MEGF11: variants seen among roughly 807,000 people sequenced by gnomAD.
The protein encoded by MEGF11 is multiple epidermal growth factor-like domains protein 11.
In MEGF11, 126 loss-of-function variants were observed where a neutral mutation model predicts 146.6. The observed-to-expected ratio is 0.86, with a 90% CI of 0.74 to 1.00. The LOEUF (loss-of-function observed/expected upper bound fraction) is 1.00, where lower values mean the gene tolerates loss of function less well. MEGF11 is among the 50% of genes least tolerant of loss of function. The pLI is 0.00. For synonymous variants in MEGF11, 532 were observed against 583.4 expected, an observed-to-expected ratio of 0.91 and a Z score of 1.27; for missense variants, 1,509 against 1,521.2, an observed-to-expected ratio of 0.99 and a Z score of 0.13.
intron 10 of MEGF11, among the ~76,000 whole-genome samples, chr15:65,935,954 A>G (rs1039751481): frequency 1.4e-4 from 22 of 152,276 alleles, no homozygotes; most frequent in African/African-American, 5.3e-4. Flanking sequence ...AGCCTATCTC[A>G]GATTAGACTA....
At chr15:65,970,822 CT>C (rs2081278825) in intron 7 of MEGF11, 133 bp from the exon 8 acceptor site, 1 of 958,244 alleles carries the variant, frequency 1.0e-6, no homozygotes, top group Non-Finnish European at 1.5e-6. Flanking sequence ...GACACCAGGG[CT>C]CCAAAGCCCT....
At chr15:65,969,027 CT>C (rs1455695555) in intron 8 of MEGF11, among the ~76,000 whole-genome samples, 1 of 152,210 alleles carries the variant, frequency 6.6e-6, no homozygotes, top group Non-Finnish European at 1.5e-5. Flanking sequence ...CTATTGAACC[CT>C]CCTGTGGTTG....
intron 20 of MEGF11, among the ~76,000 whole-genome samples, chr15:65,912,858 A>G (rs560583189): frequency 9.9e-4 from 151 of 152,294 alleles, no homozygotes; most frequent in African/African-American, 3.5e-3. Context: ...CTTAGCAGGA[A>G]TGGGCTGAAG....
chr15:65,903,765 C>CG (rs1200701891), intron 24 of MEGF11, among the ~76,000 whole-genome samples: 6 of 152,264 alleles, frequency 3.9e-5, no homozygotes, highest in South Asian at 4.2e-4. Flanking sequence ...GTGTTTATTT[C>CG]GGGGGGCGTT....
chr15:65,918,140 C>T, intron 15 of MEGF11, 46 bp from the exon 16 acceptor site: 1 of 1,608,972 alleles, frequency 6.2e-7, no homozygotes. Flanking sequence ...ACCTGTGTTC[C>T]TCTGACCTCC....
At chr15:65,983,514 T>C (rs2081737008) in intron 5 of MEGF11, among the ~76,000 whole-genome samples, 1 of 152,144 alleles carries the variant, frequency 6.6e-6, no homozygotes, top group Non-Finnish European at 1.5e-5. Context: ...GCACACATAA[T>C]GTTCTGGGAG....
intron 1 of MEGF11, among the ~76,000 whole-genome samples, chr15:66,151,385 A>G (rs2089567725): frequency 6.6e-6 from 1 of 152,102 alleles, no homozygotes; most frequent in Non-Finnish European, 1.5e-5. Context: ...AGTGCACCCA[A>G]GGGAAGGTGG....
chr15:65,910,962 T>A (rs749808810), intron 21 of MEGF11, among the ~76,000 whole-genome samples: 16 of 152,146 alleles, frequency 1.1e-4, no homozygotes, highest in Non-Finnish European at 2.2e-4. Flanking sequence ...AGACCTGTCC[T>A]TGGGGGCTGT....
intron 5 of MEGF11, among the ~76,000 whole-genome samples, chr15:66,071,349 G>A (rs1011842576): frequency 6.6e-6 from 1 of 152,188 alleles, no homozygotes; most frequent in African/African-American, 2.4e-5. Context: ...AGCCTCTGAG[G>A]TCATCAGCCA....
chr15:66,175,884 A>G (rs973655343), intron 1 of MEGF11, among the ~76,000 whole-genome samples: 3 of 152,228 alleles, frequency 2.0e-5, no homozygotes, highest in Non-Finnish European at 4.4e-5. Context: ...GACACAATCT[A>G]TAAAATTGAA....
At chr15:66,166,641 G>C in intron 1 of MEGF11, among the ~76,000 whole-genome samples, 1 of 151,866 alleles carries the variant, frequency 6.6e-6, no homozygotes, top group South Asian at 2.1e-4. Flanking sequence ...TGGTCCTCCT[G>C]TCTGTTCCTC....
At chr15:66,122,860 G>C (rs2088108164) in intron 3 of MEGF11, among the ~76,000 whole-genome samples, 1 of 152,064 alleles carries the variant, frequency 6.6e-6, no homozygotes, top group Non-Finnish European at 1.5e-5. Flanking sequence ...CTCACTGCAA[G>C]CTCCACCTGA....
Position 65,970,625 on chromosome 15 carries a change from G to T in MEGF11, c.827C>A (p.Pro276His). 1 of 1,613,766 alleles carries T rather than the reference G, an allele frequency of 6.2e-7. No homozygotes were observed. Among genetic ancestry groups the T allele is most frequent in the Non-Finnish European group, 8.5e-7 (1 of 1,179,790 alleles). The part of the protein sequence containing the change: ...TFGQNCSQDC[P>H]CHHGGQCDHV... ...GTCACACTGCCCTCCATGGTGGCAA[G>T]GACAATCCTGGCTGCAGTTCTGGCC... Residue 276 changes from proline to histidine, a missense_variant, in exon 8 of 26, where the codon CCT becomes CAT. Pro to His is a moderately conservative substitution (Grantham distance 77). Coordinates refer to ENST00000395614, the MANE Select transcript of MEGF11 (RefSeq NM_001385028.1).
rs189211621 is a variant in MEGF11, at chr15:65,976,972, G to A, written c.762+3806C>T. Among the ~76,000 whole-genome samples, 18 of 152,058 alleles carry A rather than the reference G, an allele frequency of 1.2e-4. No individual in the cohort carries two copies. In the East Asian group the frequency reaches 2.9e-3, roughly 25 times the overall value. On this transcript the variant is annotated intron_variant, in intron 7 of 25. Coordinates refer to ENST00000395614, the MANE Select transcript of MEGF11 (RefSeq NM_001385028.1). ...ATCACAAGGTCAGGAGATCGAGACCGTCCTGTCTAACACGGTGAAACCCCG... is the reference window on the plus strand; with the variant it reads ...ATCACAAGGTCAGGAGATCGAGACCATCCTGTCTAACACGGTGAAACCCCG...
Position 65,929,782 on chromosome 15 carries a change from TG to T in MEGF11, c.1509del (p.Ile504Ter). 1.3e-6 allele frequency: 2 copies of T among 1,560,866 alleles called. No homozygotes were observed. Among genetic ancestry groups the T allele is most frequent in the Non-Finnish European group, 1.7e-6 (2 of 1,152,382 alleles). On this transcript the variant is annotated frameshift_variant, in exon 12 of 26. Coordinates refer to ENST00000395614, the MANE Select transcript of MEGF11 (RefSeq NM_001385028.1). LOFTEE classifies it high-confidence loss of function. ...GGAGTGCAGGAGCAGGAGCCGTCTA[TG>T]GGGCTGCAGGCTGCCCCATTGGCAC... ...CTCANGAACS[P>X]IDGSCSCTPG...
intron 10 of MEGF11, among the ~76,000 whole-genome samples, chr15:65,934,707 C>T (rs1201819466): frequency 1.3e-5 from 2 of 152,154 alleles, no homozygotes; most frequent in East Asian, 3.9e-4. Context: ...TTAAGTTGAT[C>T]ACCAAAGGCC....
intron 1 of MEGF11, among the ~76,000 whole-genome samples, chr15:66,149,068 G>T (rs1597121948): frequency 6.6e-6 from 1 of 152,334 alleles, no homozygotes; most frequent in African/African-American, 2.4e-5. Flanking sequence ...CCCGGCAGGA[G>T]CACCTCCAGC....
At chr15:66,059,378 C>A (rs1474594920) in intron 5 of MEGF11, among the ~76,000 whole-genome samples, 1 of 152,222 alleles carries the variant, frequency 6.6e-6, no homozygotes, top group African/African-American at 2.4e-5. Context: ...AGGAAAGGCG[C>A]CCTGCTCAGC....
intron 7 of MEGF11, among the ~76,000 whole-genome samples, chr15:65,976,489 A>G (rs72742845): frequency 0.11 from 17,101 of 152,262 alleles, 1,160 homozygotes; most frequent in Middle Eastern, 0.21. Context: ...AGAAGAGGAG[A>G]CTAAGACAGA....
Sources: gnomAD v4.1 joint callset for allele counts (sites outside exome capture counted in the v4.1 genomes callset) on GRCh38, gnomAD v4.1.1 for gene constraint, MANE v1.5 for transcripts, NCBI Gene and HGNC (gene_info 2026-07-23, HGNC 2026-07-21) for gene names.